Variants in NECAB1 observed in about 807,000 individuals in gnomAD.
The protein encoded by NECAB1 is N-terminal EF-hand calcium-binding protein 1.
A neutral mutation model predicts 57.5 loss-of-function variants in NECAB1; 29 were observed. The ratio of observed to expected loss-of-function variants is 0.50; its 90% CI spans 0.38 to 0.69. The LOEUF is 0.69. Among genes scored for constraint, NECAB1 ranks in the 30% least tolerant of loss-of-function variants. The probability of loss-of-function intolerance (pLI) is 0.00; values close to 1 mark genes in which losing one functional copy is unlikely to be tolerated. For synonymous variants in NECAB1, 142 were observed against 147.7 expected, an observed-to-expected ratio of 0.96 and a Z score of 0.28; for missense variants, 372 against 413.8, an observed-to-expected ratio of 0.90 and a Z score of 0.88.
intron 2 of NECAB1, among the ~76,000 whole-genome samples, chr8:90,811,173 G>C (rs1314696422): frequency 6.6e-6 from 1 of 151,972 alleles, no homozygotes; most frequent in East Asian, 1.9e-4. Context: ...GGATGGTCTC[G>C]ATCTCCTGAC....
In NECAB1 at chr8:90,956,288, C is replaced by T. The variant is rs1338952990; in HGVS notation, c.*776C>T. 6.6e-6 allele frequency: 1 copy of T among 151,792 alleles called. No homozygotes were observed. The highest frequency in any genetic ancestry group is 2.4e-5 in the African/African-American group (1 of 41,342). The allele number at this position is 151,792 out of a possible 1,614,324, so 9.4% of individuals were successfully genotyped here. On this transcript the variant is annotated 3_prime_UTR_variant, in exon 13 of 13. Transcript: ENST00000417640. ...TTTTATGCTATATAGTTTTGGTATG[C>T]GATACAGACAGCTAACTTTTCTTAT...
chr8:90,919,939 T>C (rs918649799), intron 6 of NECAB1, among the ~76,000 whole-genome samples: 2 of 152,230 alleles, frequency 1.3e-5, no homozygotes, highest in Non-Finnish European at 2.9e-5. Flanking sequence ...ATGCTGTGAA[T>C]GTTTAATGAA....
chr8:90,897,120 A>G (rs1451401648), intron 5 of NECAB1, among the ~76,000 whole-genome samples: 1 of 152,216 alleles, frequency 6.6e-6, no homozygotes, highest in East Asian at 1.9e-4. Context: ...GAAAGCAGCA[A>G]TAAAATTTTC....
intron 3 of NECAB1, among the ~76,000 whole-genome samples, chr8:90,829,195 T>C (rs1393144485): frequency 2.6e-5 from 4 of 152,048 alleles, no homozygotes; most frequent in African/African-American, 4.8e-5. Flanking sequence ...TAAAAGAAAC[T>C]AACCTAGCAA....
Position 90,958,972 on chromosome 8 carries a change from G to T in NECAB1, c.*3460G>T. On this transcript the variant is annotated 3_prime_UTR_variant, in exon 13 of 13. Transcript: ENST00000417640. ...TGTTGCTAGATCCACCTCATTTGCAGATGTCCAAACTTAAATTCATCTGTT... is the reference window on the plus strand; with the variant it reads ...TGTTGCTAGATCCACCTCATTTGCATATGTCCAAACTTAAATTCATCTGTT... The T allele has an allele frequency of 7.4e-7, 1 of 1,355,996 alleles. No individual in the cohort carries two copies. Among genetic ancestry groups the T allele is most frequent in the Non-Finnish European group, 1.0e-6 (1 of 1,004,010 alleles). 84.0% of individuals were successfully genotyped at this position (1,355,996 alleles called of 1,614,324 possible).
At chr8:90,953,517 A>T (rs1810959351) in intron 12 of NECAB1, among the ~76,000 whole-genome samples, 1 of 152,206 alleles carries the variant, frequency 6.6e-6, no homozygotes, top group African/African-American at 2.4e-5. Context: ...TTCAACAATG[A>T]TTACTGGAAT....
At chr8:90,888,033 C>G (rs1303291443) in intron 5 of NECAB1, among the ~76,000 whole-genome samples, 1 of 152,030 alleles carries the variant, frequency 6.6e-6, no homozygotes, top group Non-Finnish European at 1.5e-5. Context: ...TTTCTATTTT[C>G]AGACAGTCCT....
chr8:90,957,420 A>T lies in NECAB1; in HGVS notation c.*1908A>T, dbSNP rs1179847572. On this transcript the variant is annotated 3_prime_UTR_variant, in exon 13 of 13. Coordinates refer to ENST00000417640, the MANE Select transcript of NECAB1 (RefSeq NM_022351.5). ...TGTTTTCATTAACAGTACTAAGTGG[A>T]AGGGATCTGCAGATTCCAAACTGGA... The T allele has an allele frequency of 1.3e-5, 2 of 151,852 alleles. No homozygotes were observed. The highest frequency in any genetic ancestry group is 4.8e-5 in the African/African-American group (2 of 41,412). 9.4% of individuals were successfully genotyped at this position (151,852 alleles called of 1,614,324 possible).
chr8:90,879,523 A>G lies in NECAB1; in HGVS notation c.260-1510A>G, dbSNP rs1002854645. Reference sequence around the variant, plus strand: ...ATCCTCTTTGAGGCATTATATATACAAGTTTTAAAATAAAAATGAAGTAAC... The same window carrying G: ...ATCCTCTTTGAGGCATTATATATACGAGTTTTAAAATAAAAATGAAGTAAC... On this transcript the variant is annotated intron_variant, in intron 4 of 12. Coordinates refer to ENST00000417640, the MANE Select transcript of NECAB1 (RefSeq NM_022351.5). Among the ~76,000 whole-genome samples, 14 of 152,204 alleles carry G rather than the reference A, an allele frequency of 9.2e-5. No homozygotes were observed. The East Asian group carries it at 2.7e-3, about 29-fold the overall frequency.
chr8:90,947,647 C>T (rs994932653), intron 10 of NECAB1, among the ~76,000 whole-genome samples: 1 of 152,160 alleles, frequency 6.6e-6, no homozygotes, highest in African/African-American at 2.4e-5. Flanking sequence ...GTGATCCGCC[C>T]ACCTTGGCCT....
intron 5 of NECAB1, among the ~76,000 whole-genome samples, chr8:90,887,277 G>A (rs997898): frequency 0.54 from 81,603 of 152,000 alleles, 25,924 homozygotes; most frequent in African/African-American, 0.87. Flanking sequence ...TTGAAGCTAT[G>A]CTTTACACCT....
intron 3 of NECAB1, among the ~76,000 whole-genome samples, chr8:90,856,312 T>A (rs1812793163): frequency 2.0e-5 from 3 of 152,090 alleles, no homozygotes; most frequent in Admixed American, 6.6e-5. Context: ...CATAGAAGAA[T>A]TTTTCTTTTT....
chr8:90,874,961 G>A (rs537586225), intron 4 of NECAB1, among the ~76,000 whole-genome samples: 141 of 148,470 alleles, frequency 9.5e-4, no homozygotes, highest in Non-Finnish European at 1.2e-3. Context: ...TTTTTTTGCC[G>A]TATCTTATCA....
chr8:90,830,243 G>A (rs911576339), intron 3 of NECAB1, among the ~76,000 whole-genome samples: 1 of 152,056 alleles, frequency 6.6e-6, no homozygotes, highest in Non-Finnish European at 1.5e-5. Flanking sequence ...GTGGACAAGA[G>A]AGATCTCCTG....
chr8:90,806,009 A>G (rs917713092), intron 2 of NECAB1, among the ~76,000 whole-genome samples: 5 of 152,274 alleles, frequency 3.3e-5, no homozygotes, highest in Admixed American at 3.3e-4. Flanking sequence ...TTCAGATTCC[A>G]CATGTAAGTG....
chr8:90,829,665 C>G (rs1212250675), intron 3 of NECAB1, among the ~76,000 whole-genome samples: 1 of 152,026 alleles, frequency 6.6e-6, no homozygotes, highest in African/African-American at 2.4e-5. Context: ...GGGTGCTGAG[C>G]ACTGGGATTT....
At chr8:90,856,890 G>A (rs559678455) in intron 3 of NECAB1, among the ~76,000 whole-genome samples, 22 of 152,174 alleles carry the variant, frequency 1.4e-4, no homozygotes, top group East Asian at 1.2e-3. Context: ...ACTAAGTAAC[G>A]CGGCAACTTT....
intron 10 of NECAB1, among the ~76,000 whole-genome samples, chr8:90,948,299 C>A (rs1810853950): frequency 6.6e-6 from 1 of 152,078 alleles, no homozygotes; most frequent in Admixed American, 6.5e-5. Context: ...CCATTTAATT[C>A]TTATGATTCC....
At chr8:90,827,174 T>G (rs1319593576) in intron 3 of NECAB1, among the ~76,000 whole-genome samples, 1 of 152,020 alleles carries the variant, frequency 6.6e-6, no homozygotes, top group Admixed American at 6.6e-5. Flanking sequence ...GCACTATATA[T>G]GCCAATTATT....
Sources: allele counts gnomAD v4.1 joint callset (sites outside exome capture counted in the v4.1 genomes callset), GRCh38; gene constraint gnomAD v4.1.1; transcripts MANE v1.5; gene names NCBI Gene and HGNC (gene_info 2026-07-23, HGNC 2026-07-21).